Variants in ITPR1 observed in about 807,000 individuals in gnomAD.
ITPR1 encodes inositol 1,4,5-trisphosphate-gated calcium channel ITPR1.
ITPR1 carries 96 observed loss-of-function variants against 318.4 expected under a neutral mutation model. The observed-to-expected ratio is 0.30, with a 90% CI of 0.26 to 0.36. The LOEUF (loss-of-function observed/expected upper bound fraction) is 0.36, where lower values mean the gene tolerates loss of function less well. Among genes scored for constraint, ITPR1 ranks in the 10% least tolerant of loss-of-function variants. The pLI is 1.00. For synonymous variants in ITPR1, 1,312 were observed against 1,289.9 expected (o/e 1.02, Z -0.37); for missense variants, 2,440 against 3,460.2 (o/e 0.71, Z 7.40).
chr3:4,834,910 C>G (rs956353166), intron 60 of ITPR1, among the ~76,000 whole-genome samples: 3 of 152,120 alleles, frequency 2.0e-5, no homozygotes, highest in Admixed American at 2.0e-4. Flanking sequence ...GTAGAGATTG[C>G]CATTTTTCTC....
chr3:4,751,847 T>C (rs2044552610), intron 44 of ITPR1, among the ~76,000 whole-genome samples: 1 of 152,222 alleles, frequency 6.6e-6, no homozygotes, highest in African/African-American at 2.4e-5. Context: ...TGAAGGCGCC[T>C]CATGTACACA....
chr3:4,698,176 C>T (rs760688538), intron 34 of ITPR1, among the ~76,000 whole-genome samples: 4 of 152,110 alleles, frequency 2.6e-5, no homozygotes, highest in Middle Eastern at 3.2e-3. Flanking sequence ...TTAAAAGATT[C>T]TTTAGAAGAT....
At chr3:4,649,352 A>T (rs1008363914) in intron 10 of ITPR1, among the ~76,000 whole-genome samples, 2 of 152,176 alleles carry the variant, frequency 1.3e-5, no homozygotes, top group Non-Finnish European at 2.9e-5. Flanking sequence ...TTTAAAATGG[A>T]TTCTGGAAAG....
chr3:4,507,214 G>T (rs2081457293), intron 2 of ITPR1, among the ~76,000 whole-genome samples: 1 of 150,502 alleles, frequency 6.6e-6, no homozygotes, highest in Non-Finnish European at 1.5e-5. Flanking sequence ...CATGTGCCTT[G>T]CAGCCTCTGG....
chr3:4,645,340 G>A (rs1437389252), intron 8 of ITPR1, 47 bp from the exon 9 acceptor site: 3 of 1,308,298 alleles, frequency 2.3e-6, no homozygotes, highest in Admixed American at 1.8e-5. Context: ...GGATGACACA[G>A]TTGTTGTGAG....
Position 4,645,487 on chromosome 3 carries a change from A to ATGGG in ITPR1, c.708+18_708+21dup. ...TTAAAGGGGGTGAGTTTGATGCTTT[A>ATGGG]TGGGCTGAGCATTACTTGGCTCTTC... On this transcript the variant is annotated intron_variant, in intron 9 of 61. Transcript: ENST00000649015. The ATGGG allele has an allele frequency of 6.2e-7, 1 of 1,607,640 alleles. No homozygotes were observed. The highest frequency in any genetic ancestry group is 8.5e-7 in the Non-Finnish European group (1 of 1,174,302).
chr3:4,764,769 G>A (rs1463145265), intron 44 of ITPR1, among the ~76,000 whole-genome samples: 2 of 152,196 alleles, frequency 1.3e-5, no homozygotes, highest in African/African-American at 2.4e-5. Context: ...GGTCACTTTT[G>A]TAGGGGTAAA....
Position 4,811,536 on chromosome 3 carries a change from G to T in ITPR1, c.7468+76G>T, listed in dbSNP as rs1386319395. 4.1e-6 allele frequency: 5 copies of T among 1,217,042 alleles called. No homozygotes were observed. The African/African-American group carries it at 7.5e-5, about 18-fold the overall frequency. The allele number at this position is 1,217,042 out of a possible 1,614,324, so 75.4% of individuals were successfully genotyped here. On this transcript the variant is annotated intron_variant, in intron 56 of 61. Transcript: ENST00000649015. ...TTATAACTGAACTAAAGAAAATAACGACTTTAGTAATGCAGATATCTCCCC... is the reference window on the plus strand; with the variant it reads ...TTATAACTGAACTAAAGAAAATAACTACTTTAGTAATGCAGATATCTCCCC...
intron 58 of ITPR1, chr3:4,814,810 A>G (rs1424597553): frequency 3.3e-6 from 2 of 598,774 alleles, no homozygotes; most frequent in Non-Finnish European, 5.9e-6. Flanking sequence ...TGTTTCCATC[A>G]GGGTTAGGCC....
chr3:4,549,606 T>C (rs2085358368), intron 4 of ITPR1, among the ~76,000 whole-genome samples: 1 of 152,004 alleles, frequency 6.6e-6, no homozygotes, highest in African/African-American at 2.4e-5. Context: ...ACCAGATGAA[T>C]TTTTTCCCAA....
intron 58 of ITPR1, 111 bp from the exon 59 acceptor site, chr3:4,814,942 C>T: frequency 1.1e-6 from 1 of 894,404 alleles, no homozygotes; most frequent in South Asian, 1.8e-5. Flanking sequence ...GTTGAATGCC[C>T]AATTTAATTT....
intron 4 of ITPR1, among the ~76,000 whole-genome samples, chr3:4,563,525 C>T (rs2125021163): frequency 6.6e-6 from 1 of 152,010 alleles, no homozygotes; most frequent in South Asian, 2.1e-4. Flanking sequence ...AATAAAAAAG[C>T]AATTTGTCCT....
intron 60 of ITPR1, among the ~76,000 whole-genome samples, chr3:4,830,552 T>G (rs1480501868): frequency 1.3e-5 from 2 of 152,146 alleles, no homozygotes; most frequent in Non-Finnish European, 2.9e-5. Flanking sequence ...TCTTCAAGCC[T>G]CCTCCTCCTG....
At chr3:4,621,383 CTCAG>C (rs1476300885) in intron 4 of ITPR1, among the ~76,000 whole-genome samples, 2 of 152,098 alleles carry the variant, frequency 1.3e-5, no homozygotes, top group African/African-American at 4.8e-5. Flanking sequence ...CGAGCACTCA[CTCAG>C]TATCATGAGC....
intron 5 of ITPR1, 74 bp downstream of exon 5, chr3:4,627,952 G>A: frequency 1.1e-6 from 1 of 874,274 alleles, no homozygotes. Flanking sequence ...TGTAATGGTG[G>A]GAGACTGCTT....
At chr3:4,577,027 T>C (rs917573932) in intron 4 of ITPR1, among the ~76,000 whole-genome samples, 1 of 152,100 alleles carries the variant, frequency 6.6e-6, no homozygotes, top group East Asian at 1.9e-4. Context: ...CCTTTGGGAG[T>C]TGACAGTCTA....
chr3:4,561,204 C>G (rs1469828715), intron 4 of ITPR1, among the ~76,000 whole-genome samples: 1 of 152,160 alleles, frequency 6.6e-6, no homozygotes, highest in Non-Finnish European at 1.5e-5. Context: ...TCTACTTGGC[C>G]TAGTAGCTGA....
intron 44 of ITPR1, among the ~76,000 whole-genome samples, chr3:4,736,468 C>A (rs1197643618): frequency 6.6e-6 from 1 of 152,252 alleles, no homozygotes; most frequent in Non-Finnish European, 1.5e-5. Context: ...TGCCTTGGCA[C>A]AACCTGTGCA....
intron 44 of ITPR1, among the ~76,000 whole-genome samples, chr3:4,748,062 C>T (rs547616269): frequency 1.3e-5 from 2 of 152,146 alleles, no homozygotes; most frequent in South Asian, 2.1e-4. Flanking sequence ...CAGCACTGTG[C>T]GTGGAGCCAG....
Sources: allele counts gnomAD v4.1 joint callset (sites outside exome capture counted in the v4.1 genomes callset), GRCh38; gene constraint gnomAD v4.1.1; transcripts MANE v1.5; gene names NCBI Gene and HGNC (gene_info 2026-07-23, HGNC 2026-07-21).